Variants in P4HA1 observed in about 807,000 individuals in gnomAD.
P4HA1 encodes the protein prolyl 4-hydroxylase subunit alpha-1.
P4HA1 carries 24 observed loss-of-function variants against 72.8 expected under a neutral mutation model. The observed-to-expected ratio is 0.33, with a 90% CI of 0.24 to 0.46. P4HA1 has a LOEUF of 0.46. P4HA1 is among the 20% of genes least tolerant of loss of function. P4HA1 has a pLI of 1.00. For missense variants in P4HA1, 446 were observed against 640.6 expected (o/e 0.70, Z 3.28); for synonymous variants, 201 against 218.8 (o/e 0.92, Z 0.72).
At chr10:73,033,303 C>T (rs890530387) in intron 9 of P4HA1, among the ~76,000 whole-genome samples, 1 of 152,274 alleles carries the variant, frequency 6.6e-6, no homozygotes, top group South Asian at 2.1e-4. Flanking sequence ...CCACAGAGAA[C>T]GTGTCTTCTG....
At chr10:73,024,337 C>T (rs1840211933) in intron 10 of P4HA1, among the ~76,000 whole-genome samples, 2 of 152,190 alleles carry the variant, frequency 1.3e-5, no homozygotes, top group African/African-American at 2.4e-5. Context: ...GATTAAGAAA[C>T]TCACTCAAAA....
At chr10:73,047,177 AG>A (rs1840885922) in intron 7 of P4HA1, 76 bp from the exon 8 acceptor site, 6 of 1,043,492 alleles carry the variant, frequency 5.7e-6, no homozygotes, top group Non-Finnish European at 8.7e-6. Flanking sequence ...TGCAGATAAG[AG>A]ACAATAATCA....
chr10:73,075,968 C>G (rs1841688235), intron 1 of P4HA1, among the ~76,000 whole-genome samples: 2 of 152,090 alleles, frequency 1.3e-5, no homozygotes, highest in Admixed American at 6.5e-5. Flanking sequence ...TGGCCAGGCA[C>G]AGTGGCAGGT....
intron 5 of P4HA1, among the ~76,000 whole-genome samples, chr10:73,057,872 T>C (rs917856159): frequency 6.6e-6 from 1 of 151,580 alleles, no homozygotes; most frequent in Non-Finnish European, 1.5e-5. Flanking sequence ...GACGGACTAC[T>C]TGAGCTCAGG....
intron 5 of P4HA1, among the ~76,000 whole-genome samples, chr10:73,057,556 A>T (rs1841181170): frequency 6.6e-6 from 1 of 152,196 alleles, no homozygotes; most frequent in Non-Finnish European, 1.5e-5. Flanking sequence ...GTCTACTTGG[A>T]ATTCTAGAAG....
chr10:73,073,038 C>T (rs1041901511), intron 3 of P4HA1, among the ~76,000 whole-genome samples: 41 of 151,580 alleles, frequency 2.7e-4, no homozygotes, highest in African/African-American at 8.9e-4. Context: ...GGCATGGTGG[C>T]GCACACCTGT....
In P4HA1 at chr10:73,070,142, C is replaced by CTTT. The variant is rs71021546; in HGVS notation, c.326-1162_326-1160dup. ...TATTTTGAACAGCAAGAGACCAGGC[C>CTTT]TTTTTTTTTTTTTTTTTTTTTTTTT... is the stretch of plus-strand genomic sequence containing the variant. On this transcript the variant is annotated intron_variant, in intron 4 of 14. Transcript: ENST00000394890. 8.7e-3 allele frequency among the ~76,000 whole-genome samples: 563 copies of CTTT among 64,508 alleles called. 56 individuals carry two copies. The highest frequency in any genetic ancestry group is 0.029 in the East Asian group (54 of 1,886). 42.3% of individuals were successfully genotyped at this position (64,508 alleles called of 152,430 possible).
chr10:73,012,403 C>G (rs1839925484), intron 12 of P4HA1, among the ~76,000 whole-genome samples: 2 of 152,194 alleles, frequency 1.3e-5, no homozygotes, highest in Non-Finnish European at 2.9e-5. Context: ...CTAAGACTCA[C>G]CTCTAGAAAA....
intron 5 of P4HA1, among the ~76,000 whole-genome samples, chr10:73,061,412 C>A (rs1376357738): frequency 6.6e-6 from 1 of 151,250 alleles, no homozygotes; most frequent in Non-Finnish European, 1.5e-5. Context: ...CCCCAGCTAA[C>A]CAATGTCATA....
intron 12 of P4HA1, among the ~76,000 whole-genome samples, chr10:73,013,869 C>A (rs1264313970): frequency 2.0e-5 from 3 of 151,902 alleles, no homozygotes; most frequent in Non-Finnish European, 2.9e-5. Context: ...AAATGTAATT[C>A]AGAAGTTTAC....
intron 5 of P4HA1, among the ~76,000 whole-genome samples, chr10:73,056,585 T>C (rs969128173): frequency 6.6e-5 from 10 of 151,758 alleles, no homozygotes; most frequent in Non-Finnish European, 1.5e-4. Flanking sequence ...TGAGCCAAGA[T>C]CACGCCATTG....
chr10:73,019,284 C>G lies in P4HA1; in HGVS notation c.1249-2385G>C, dbSNP rs781392901. Among the ~76,000 whole-genome samples the G allele has an allele frequency of 2.0e-5, 3 of 152,274 alleles. No individual in the cohort carries two copies. In the East Asian group the frequency reaches 5.8e-4, roughly 29 times the overall value. ...ACAGAGTCACCACACCCTTCCCAAA[C>G]AGCCCAACAGAAGCGGAAAGTTTAA... On this transcript the variant is annotated intron_variant, in intron 10 of 14. Transcript: ENST00000394890.
intron 1 of P4HA1, among the ~76,000 whole-genome samples, chr10:73,085,813 C>T (rs991359640): frequency 6.6e-6 from 1 of 152,236 alleles, no homozygotes; most frequent in East Asian, 1.9e-4. Flanking sequence ...TACCACTTCA[C>T]TGCCACTTTG....
intron 10 of P4HA1, among the ~76,000 whole-genome samples, chr10:73,018,986 T>C (rs189074995): frequency 2.0e-5 from 3 of 152,160 alleles, no homozygotes; most frequent in African/African-American, 4.8e-5. Flanking sequence ...CTCCAAACGC[T>C]TGCACCTGGA....
At chr10:73,021,078 T>C (rs1286063883) in intron 10 of P4HA1, among the ~76,000 whole-genome samples, 1 of 152,076 alleles carries the variant, frequency 6.6e-6, no homozygotes, top group Non-Finnish European at 1.5e-5. Context: ...GAGGTTGCAG[T>C]GAGCCAAGAT....
At chr10:73,048,158 T>C (rs919774996) in intron 7 of P4HA1, among the ~76,000 whole-genome samples, 14 of 152,238 alleles carry the variant, frequency 9.2e-5, no homozygotes, top group African/African-American at 2.9e-4. Context: ...ATGATTCATG[T>C]TTATTCTCCA....
intron 1 of P4HA1, among the ~76,000 whole-genome samples, chr10:73,080,916 A>G (rs1476917328): frequency 1.3e-5 from 2 of 152,178 alleles, no homozygotes; most frequent in African/African-American, 2.4e-5. Flanking sequence ...CAACAGAGCG[A>G]GACTCCATCT....
Position 73,009,787 on chromosome 10 carries a change from AGAATATAT to A in P4HA1, c.1534+12_1534+19del. The A allele has an allele frequency of 2.2e-6, 3 of 1,350,880 alleles. No homozygotes were observed. The highest frequency in any genetic ancestry group is 3.2e-6 in the Non-Finnish European group (3 of 941,240). The allele number at this position is 1,350,880 out of a possible 1,614,324, so 83.7% of individuals were successfully genotyped here. A position where few individuals can be genotyped will look rare whatever the true frequency, so the allele number is the denominator to read the frequency against. ...GAAACAAAAATTACATTATCTTCGC[AGAATATAT>A]GAAATATTTACCCCATTTGTTGCCA... On this transcript the variant is annotated intron_variant, in intron 14 of 14. Transcript: ENST00000394890.
chr10:73,091,940 C>T (rs755671712), intron 1 of P4HA1, among the ~76,000 whole-genome samples: 2 of 152,192 alleles, frequency 1.3e-5, no homozygotes. Context: ...TCCCTTTCCT[C>T]CTAAAAAATG....
Sources: allele counts gnomAD v4.1 joint callset (sites outside exome capture counted in the v4.1 genomes callset), GRCh38; gene constraint gnomAD v4.1.1; transcripts MANE v1.5; gene names NCBI Gene and HGNC (gene_info 2026-07-23, HGNC 2026-07-21).